The following PHC1 variants were observed in gnomAD, a reference collection of about 807,000 sequenced individuals.
The protein encoded by PHC1 is polyhomeotic homolog 1, also known as polyhomeotic-like protein 1.
Under a neutral mutation model 104.3 loss-of-function variants are expected in PHC1, and 12 were observed. The ratio of observed to expected loss-of-function variants is 0.12; its 90% CI spans 0.07 to 0.19. PHC1 has a LOEUF of 0.19. Ranked by LOEUF, PHC1 falls within the 10% of genes least tolerant of loss-of-function variation. The pLI is 1.00. For synonymous variants in PHC1, 302 were observed against 455.8 expected, an observed-to-expected ratio of 0.66 and a Z score of 4.30; for missense variants, 671 against 1,200.0, an observed-to-expected ratio of 0.56 and a Z score of 6.51.
At position 8,919,443 on chromosome 12, in the gene PHC1, G is replaced by A. The variant is rs963551602; in HGVS notation, c.115-313G>A. Among the ~76,000 whole-genome samples the A allele has an allele frequency of 3.3e-5, 5 of 152,174 alleles. No individual in the cohort carries two copies. The highest frequency in any genetic ancestry group is 1.2e-4 in the African/African-American group (5 of 41,452). On this transcript the variant is annotated intron_variant, in intron 2 of 14. Transcript: ENST00000544916. The surrounding 1 kb of genome is among the most constrained non-coding windows in gnomAD (Gnocchi z 4.9). ...CCATCTCTAAAAATAAAAAAAATTA[G>A]CTGGACATGGTGGTGCATACCTATA...
chr12:8,917,910 A>C, intron 2 of PHC1, 119 bp downstream of exon 2: 1 of 617,008 alleles, frequency 1.6e-6, no homozygotes, highest in Non-Finnish European at 2.8e-6. Flanking sequence ...GGGTTAGATG[A>C]TGACTAAGCT....
chr12:8,929,593 T>G (rs988708142), intron 6 of PHC1, among the ~76,000 whole-genome samples: 50 of 152,042 alleles, frequency 3.3e-4, no homozygotes, highest in Admixed American at 1.6e-3. Context: ...AGTGGCGTGA[T>G]CTCAGCTCAC....
intron 11 of PHC1, among the ~76,000 whole-genome samples, chr12:8,936,538 C>G (rs1945843168): frequency 6.6e-6 from 1 of 152,114 alleles, no homozygotes; most frequent in Non-Finnish European, 1.5e-5. Context: ...TTATATCTTT[C>G]TAGGCATTAG....
At chr12:8,937,665 A>G (rs972805044) in intron 13 of PHC1, among the ~76,000 whole-genome samples, 164 bp from the exon 14 acceptor site, 2 of 152,172 alleles carry the variant, frequency 1.3e-5, no homozygotes, top group Non-Finnish European at 2.9e-5. Flanking sequence ...TCTATTTGAA[A>G]GACTTTGAGA....
chr12:8,936,324 G>A lies in PHC1; in HGVS notation c.2369-532G>A, dbSNP rs1448453817. Among the ~76,000 whole-genome samples the A allele has an allele frequency of 2.0e-5, 3 of 152,180 alleles. No individual in the cohort carries two copies. The East Asian group carries it at 5.8e-4, about 29-fold the overall frequency. ...TTGAGCCCGGGAGGTGGAGGTTGCAGCGATCCAAGATAGCACCACGGCACT... is the reference window on the plus strand; with the variant it reads ...TTGAGCCCGGGAGGTGGAGGTTGCAACGATCCAAGATAGCACCACGGCACT... On this transcript the variant is annotated intron_variant, in intron 11 of 14. Coordinates refer to ENST00000544916, the MANE Select transcript of PHC1 (RefSeq NM_004426.3).
At chr12:8,939,081 C>T (rs1274991745) in intron 14 of PHC1, among the ~76,000 whole-genome samples, 2 of 152,148 alleles carry the variant, frequency 1.3e-5, no homozygotes, top group Non-Finnish European at 2.9e-5. Flanking sequence ...CTGCCCTGGT[C>T]TCCTAAAATG....
chr12:8,930,071 C>T (rs1452320938), intron 6 of PHC1, among the ~76,000 whole-genome samples: 1 of 152,178 alleles, frequency 6.6e-6, no homozygotes, highest in East Asian at 1.9e-4. Flanking sequence ...TCATTAAGAG[C>T]AGAGACTGTG....
intron 9 of PHC1, 78 bp downstream of exon 9, chr12:8,934,090 G>C: frequency 1.3e-6 from 2 of 1,510,166 alleles, no homozygotes; most frequent in Non-Finnish European, 9.1e-7. Flanking sequence ...AGATAAAACT[G>C]GTTGAGTAGA....
In PHC1 at chr12:8,930,454, G is replaced by C. The variant is rs772117869; in HGVS notation, c.632G>C (p.Arg211Thr). The change falls in exon 7 of 15, where the codon AGG becomes ACG. Residue 211 changes from arginine (R) to threonine (T), a missense_variant. Transcript: ENST00000544916. Reference sequence around the variant, plus strand: ...TTTCAGGTTCAGAACTTGGCAGTAAGGAATCAACAGGCCTCAGCTCAAGGA... The same window carrying C: ...TTTCAGGTTCAGAACTTGGCAGTAACGAATCAACAGGCCTCAGCTCAAGGA... ...DADQVQNLAV[R>T]NQQASAQGPQ... 1.2e-6 allele frequency: 2 copies of C among 1,605,588 alleles called. No individual in the cohort carries two copies. Among genetic ancestry groups the C allele is most frequent in the Non-Finnish European group, 1.7e-6 (2 of 1,175,840 alleles).
At position 8,939,950 on chromosome 12, in the gene PHC1, T is replaced by C; in HGVS notation, c.*491T>C. Reference sequence around the variant, plus strand: ...CTCCCAGTGTAGCTGTGGCTCAGAGTTTTTTCTTTTTGTTGTCACTTACTC... The same window carrying C: ...CTCCCAGTGTAGCTGTGGCTCAGAGCTTTTTCTTTTTGTTGTCACTTACTC... On this transcript the variant is annotated 3_prime_UTR_variant, in exon 15 of 15. Transcript: ENST00000544916. The C allele has an allele frequency of 4.4e-6, 2 of 454,986 alleles. No homozygotes were observed. The highest frequency in any genetic ancestry group is 8.8e-6 in the Non-Finnish European group (2 of 226,516). The allele number at this position is 454,986 out of a possible 1,614,324, so 28.2% of individuals were successfully genotyped here.
intron 6 of PHC1, among the ~76,000 whole-genome samples, chr12:8,927,887 T>TTCTTTC: frequency 8.9e-6 from 1 of 112,138 alleles, no homozygotes; most frequent in East Asian, 2.6e-4. Flanking sequence ...CTTTCTTTCT[T>TTCTTTC]TCTTTCTTTC....
Position 8,930,568 on chromosome 12 carries a change from C to G in PHC1, c.746C>G (p.Ala249Gly), listed in dbSNP as rs200063610. 1.3e-6 allele frequency: 2 copies of G among 1,569,220 alleles called. No individual in the cohort carries two copies. The highest frequency in any genetic ancestry group is 2.3e-5 in the East Asian group (1 of 42,766). The change falls in exon 7 of 15, where the codon GCG (alanine) becomes GGG (glycine). Residue 249 changes from alanine to glycine, a missense_variant. Around this residue, in one of 9 missense-constraint regions of PHC1, gnomAD observed 237 missense variants for 331.1 expected, o/e 0.72. Coordinates refer to ENST00000544916, the MANE Select transcript of PHC1 (RefSeq NM_004426.3). ...TCCCAGGCCTCTAGCCAGGCCCTAG[C>G]GGTGGCACAGGCTTCCTCTGGGGCC... ...SLSQASSQALAVAQASSGATN... is the reference protein window; with the variant it reads ...SLSQASSQALGVAQASSGATN...
chr12:8,931,160 A>G (rs1290759088), intron 7 of PHC1, among the ~76,000 whole-genome samples: 1 of 152,142 alleles, frequency 6.6e-6, no homozygotes, highest in Non-Finnish European at 1.5e-5. Context: ...TCAGCTTACA[A>G]GTTCCCCTGT....
In PHC1 at chr12:8,919,722, T is replaced by A; in HGVS notation, c.115-34T>A. 6.3e-7 allele frequency: 1 copy of A among 1,584,266 alleles called. No individual in the cohort carries two copies. Among genetic ancestry groups the A allele is most frequent in the Non-Finnish European group, 8.6e-7 (1 of 1,158,926 alleles). ...TACATAGAATAGGAGCTAGGAGTGG[T>A]CCATTCTAAATGTTTTATCCTCTCT... On this transcript the variant is annotated intron_variant, in intron 2 of 14. Coordinates refer to ENST00000544916, the MANE Select transcript of PHC1 (RefSeq NM_004426.3). This position sits in a 1 kb window ranked among gnomAD's most constrained non-coding sequence, Gnocchi z 4.9.
chr12:8,914,128 C>T (rs1775579086), upstream of PHC1, among the ~76,000 whole-genome samples: 1 of 152,026 alleles, frequency 6.6e-6, no homozygotes, highest in African/African-American at 2.4e-5. Context: ...TCTTTCTACC[C>T]CTTATTCCCA....
At chr12:8,918,879 C>T (rs1210375526) in intron 2 of PHC1, among the ~76,000 whole-genome samples, 1 of 152,128 alleles carries the variant, frequency 6.6e-6, no homozygotes. Flanking sequence ...TGTCATAGAG[C>T]GCACTTACAC....
chr12:8,929,736 T>C (rs1450570927), intron 6 of PHC1, among the ~76,000 whole-genome samples: 3 of 152,216 alleles, frequency 2.0e-5, no homozygotes, highest in Non-Finnish European at 2.9e-5. Flanking sequence ...CCCAGGCTGT[T>C]CTCGAACTCC....
At chr12:8,921,395 A>G (rs1259212251) in intron 4 of PHC1, among the ~76,000 whole-genome samples, 1 of 152,080 alleles carries the variant, frequency 6.6e-6, no homozygotes, top group Non-Finnish European at 1.5e-5. Flanking sequence ...ACTAGTGGTT[A>G]GAGACTGTTG....
At chr12:8,921,883 G>T in intron 5 of PHC1, 133 bp downstream of exon 5, 1 of 802,804 alleles carries the variant, frequency 1.2e-6, no homozygotes. Context: ...GCACAATAAT[G>T]GCTCACTGCA....
Sources: gnomAD v4.1 joint callset for allele counts (sites outside exome capture counted in the v4.1 genomes callset) on GRCh38, gnomAD v4.1.1 for gene constraint, gnomAD v4.1.1 regional missense constraint, Gnocchi (gnomAD v3.1) non-coding constraint, MANE v1.5 for transcripts, NCBI Gene and HGNC (gene_info 2026-07-23, HGNC 2026-07-21) for gene names.